KCNT2: variants seen among roughly 807,000 people sequenced by gnomAD.
KCNT2 encodes potassium channel subfamily T member 2.
Under a neutral mutation model 153.8 loss-of-function variants are expected in KCNT2, and 67 were observed. The ratio of observed to expected loss-of-function variants is 0.44; its 90% CI spans 0.36 to 0.53. The LOEUF (loss-of-function observed/expected upper bound fraction) is 0.53, where lower values mean the gene tolerates loss of function less well. Ranked by LOEUF, KCNT2 falls within the 20% of genes least tolerant of loss-of-function variation. The pLI, the probability that KCNT2 is intolerant of heterozygous loss-of-function variation, is 0.00. For missense variants in KCNT2, 975 were observed against 1,354.8 expected, an observed-to-expected ratio of 0.72 and a Z score of 4.40; for synonymous variants, 500 against 458.8, an observed-to-expected ratio of 1.09 and a Z score of -1.15.
chr1:196,443,133 G>C (rs1675388697), intron 8 of KCNT2, among the ~76,000 whole-genome samples: 1 of 151,564 alleles, frequency 6.6e-6, no homozygotes, highest in Non-Finnish European at 1.5e-5. Context: ...TACGTATCTG[G>C]ATTGCTCAAA....
chr1:196,444,430 C>T (rs1240429933), intron 8 of KCNT2, among the ~76,000 whole-genome samples: 3 of 151,142 alleles, frequency 2.0e-5, no homozygotes, highest in African/African-American at 7.3e-5. Context: ...GCCTATTCTG[C>T]TTTCCTTTGA....
intron 26 of KCNT2, among the ~76,000 whole-genome samples, chr1:196,239,965 T>G (rs937892171): frequency 6.6e-6 from 1 of 152,054 alleles, no homozygotes; most frequent in Non-Finnish European, 1.5e-5. Context: ...CAGCCATCTG[T>G]CAGCAAACAT....
chr1:196,397,467 GAAATAGTCTT>G (rs1217030826), intron 13 of KCNT2, among the ~76,000 whole-genome samples: 2 of 151,382 alleles, frequency 1.3e-5, no homozygotes, highest in Admixed American at 1.3e-4. Context: ...TTTCAGTTAA[GAAATAGTCTT>G]AGAGAGGCCC....
chr1:196,314,650 G>A (rs953090264), intron 21 of KCNT2, among the ~76,000 whole-genome samples: 5 of 151,474 alleles, frequency 3.3e-5, no homozygotes, highest in East Asian at 1.9e-4. Context: ...CTGCAAGGTC[G>A]GTTATTTTCT....
At chr1:196,364,325 C>T (rs912778867) in intron 14 of KCNT2, among the ~76,000 whole-genome samples, 1 of 152,004 alleles carries the variant, frequency 6.6e-6, no homozygotes. Flanking sequence ...CTAATATTTC[C>T]AAACTTCCTT....
rs1042303232 is a variant in KCNT2, at chr1:196,257,283, A to G, written c.3211+911T>C. ...ATATGTGGGTTTTTTCCTTATTCAA[A>G]GAAACAGAGGCAACTTCTCTTAAAC... On this transcript the variant is annotated intron_variant, in intron 26 of 27. Coordinates refer to ENST00000294725, the MANE Select transcript of KCNT2 (RefSeq NM_198503.5). The G allele has an allele frequency of 6.1e-6, 6 of 984,520 alleles. No homozygotes were observed. In the African/African-American group the frequency reaches 7.0e-5, roughly 11 times the overall value. 61.0% of individuals were successfully genotyped at this position (984,520 alleles called of 1,614,324 possible). A position where few individuals can be genotyped will look rare whatever the true frequency, so the allele number is the denominator to read the frequency against.
At chr1:196,473,828 A>G (rs1176045817) in intron 5 of KCNT2, among the ~76,000 whole-genome samples, 1 of 152,220 alleles carries the variant, frequency 6.6e-6, no homozygotes, top group African/African-American at 2.4e-5. Flanking sequence ...GGTGAAAAAA[A>G]GTATGCTTTC....
At chr1:196,445,981 T>A (rs527853794) in intron 8 of KCNT2, among the ~76,000 whole-genome samples, 3 of 151,380 alleles carry the variant, frequency 2.0e-5, no homozygotes, top group African/African-American at 7.3e-5. Flanking sequence ...TGTCAGAAGG[T>A]CAATGACACA....
rs879369518 is a variant in KCNT2 at position 196,462,820 on chromosome 1, G to T, written c.638+2473C>A. On this transcript the variant is annotated intron_variant, in intron 8 of 27. Coordinates refer to ENST00000294725, the MANE Select transcript of KCNT2 (RefSeq NM_198503.5). The stretch of plus-strand genomic sequence containing the variant: ...GGACTTTTATCACTTAGTACCAAGA[G>T]ACTTCTTTTTATTCCAGTCTCCAGT... Among the ~76,000 whole-genome samples the T allele has an allele frequency of 6.6e-5, 10 of 151,660 alleles. No homozygotes were observed. The Admixed American group carries it at 6.6e-4, about 10-fold the overall frequency.
chr1:196,448,753 A>C (rs1046765441), intron 8 of KCNT2, among the ~76,000 whole-genome samples: 5 of 151,694 alleles, frequency 3.3e-5, no homozygotes, highest in African/African-American at 1.2e-4. Context: ...TATTCAACTA[A>C]AGTCACACAG....
chr1:196,478,226 C>T (rs1678705395), intron 5 of KCNT2, among the ~76,000 whole-genome samples: 1 of 152,138 alleles, frequency 6.6e-6, no homozygotes, highest in Non-Finnish European at 1.5e-5. Context: ...ATCTTTTCAT[C>T]CAGCCAAAAT....
intron 10 of KCNT2, among the ~76,000 whole-genome samples, chr1:196,427,616 T>C (rs1055592276): frequency 3.3e-5 from 5 of 152,074 alleles, no homozygotes; most frequent in African/African-American, 1.2e-4. Flanking sequence ...TGTATTGCTA[T>C]ACATATAGGA....
In KCNT2 at chr1:196,548,375, G is replaced by T. The variant is rs563719343; in HGVS notation, c.96-56034C>A. Among the ~76,000 whole-genome samples the T allele has an allele frequency of 1.5e-3, 225 of 152,096 alleles. 1 individual carries two copies. Among genetic ancestry groups the T allele is most frequent in the Non-Finnish European group, 2.7e-3 (185 of 67,984 alleles). On this transcript the variant is annotated intron_variant, in intron 1 of 27. Coordinates refer to ENST00000294725, the MANE Select transcript of KCNT2 (RefSeq NM_198503.5). ...CATGAACAGACACTTCTCAAAAGAA[G>T]ACTTTTATGCAGCCAAAAAACACAT...
chr1:196,231,342 G>A (rs1571728160), intron 27 of KCNT2, among the ~76,000 whole-genome samples: 2 of 151,914 alleles, frequency 1.3e-5, no homozygotes, highest in African/African-American at 4.8e-5. Context: ...GTGGTAGTCT[G>A]GAACCAATCC....
At chr1:196,346,775 A>G (rs1177664743) in intron 14 of KCNT2, among the ~76,000 whole-genome samples, 2 of 152,242 alleles carry the variant, frequency 1.3e-5, no homozygotes, top group South Asian at 2.1e-4. Context: ...TTGAATGCTA[A>G]TTACTCTTTA....
intron 1 of KCNT2, among the ~76,000 whole-genome samples, chr1:196,572,995 C>A (rs967452037): frequency 3.1e-4 from 47 of 152,008 alleles, no homozygotes; most frequent in African/African-American, 1.1e-3. Flanking sequence ...CTATTGTTAA[C>A]CAAGGCAGGC....
intron 1 of KCNT2, among the ~76,000 whole-genome samples, chr1:196,550,008 T>C (rs747460396): frequency 1.1e-4 from 17 of 151,852 alleles, no homozygotes; most frequent in Non-Finnish European, 2.2e-4. Flanking sequence ...TGACAAACGA[T>C]TTAAGATCTA....
intron 22 of KCNT2, among the ~76,000 whole-genome samples, chr1:196,289,724 T>G (rs1364102785): frequency 6.6e-6 from 1 of 152,154 alleles, no homozygotes; most frequent in Non-Finnish European, 1.5e-5. Context: ...TTACAATAAA[T>G]GTTTCTGCTA....
intron 12 of KCNT2, among the ~76,000 whole-genome samples, chr1:196,404,906 T>C (rs796349131): frequency 7.9e-5 from 12 of 151,772 alleles, no homozygotes; most frequent in African/African-American, 2.9e-4. Context: ...GAATTAGGCA[T>C]ATAGAAAGCA....
Sources: gnomAD v4.1 joint callset for allele counts (sites outside exome capture counted in the v4.1 genomes callset) on GRCh38, gnomAD v4.1.1 for gene constraint, MANE v1.5 for transcripts, NCBI Gene and HGNC (gene_info 2026-07-23, HGNC 2026-07-21) for gene names.